Variants in ATRX observed in about 807,000 individuals in gnomAD.
ATRX encodes the protein ATRX chromatin remodeler, also known as chromatin remodeler ATRX.
A neutral mutation model predicts 172.6 loss-of-function variants in ATRX; 12 were observed. The observed-to-expected ratio is 0.07, with a 90% CI of 0.04 to 0.11. ATRX has a LOEUF of 0.11. ATRX is among the 10% of genes least tolerant of loss of function. The probability of loss-of-function intolerance (pLI) is 1.00; values close to 1 mark genes in which losing one functional copy is unlikely to be tolerated. For missense variants in ATRX, 1,368 were observed against 1,767.4 expected (o/e 0.77, Z 4.05); for synonymous variants, 674 against 594.7 (o/e 1.13, Z -1.94).
chrX:77,764,253 G>A (rs2075828815), intron 1 of ATRX, among the ~76,000 whole-genome samples: 1 of 112,134 alleles, frequency 8.9e-6, no homozygotes, highest in Non-Finnish European at 1.9e-5. Context: ...TCATTATCTT[G>A]TAGAAACATA....
At chrX:77,554,956 C>G (rs1225312608) in intron 30 of ATRX, among the ~76,000 whole-genome samples, 3 of 111,912 alleles carry the variant, frequency 2.7e-5, no homozygotes, top group Non-Finnish European at 3.8e-5. Flanking sequence ...AAAGCAGGCA[C>G]GTCCTCTCTT....
intron 1 of ATRX, among the ~76,000 whole-genome samples, chrX:77,722,765 T>C (rs1438707459): frequency 1.8e-5 from 2 of 111,784 alleles, no homozygotes; most frequent in Non-Finnish European, 3.8e-5. Flanking sequence ...AGTTCAACCA[T>C]CGTGGCAGAC....
intron 19 of ATRX, among the ~76,000 whole-genome samples, chrX:77,630,160 AAATTT>A (rs1218404787): frequency 4.5e-5 from 5 of 112,084 alleles, no homozygotes; most frequent in African/African-American, 1.6e-4. Flanking sequence ...ATTTAGGAAT[AAATTT>A]AAGAAAATAA....
chrX:77,756,346 G>A (rs1301314664), intron 1 of ATRX, among the ~76,000 whole-genome samples: 1 of 109,973 alleles, frequency 9.1e-6, no homozygotes, highest in Non-Finnish European at 1.9e-5. Flanking sequence ...CCCTTTCCAG[G>A]GGAGTGAATG....
chrX:77,652,189 T>C lies in ATRX; in HGVS notation c.4482A>G (p.Gln1494=), dbSNP rs2069279265. 8.3e-7 allele frequency: 1 copy of C among 1,209,499 alleles called. No individual in the cohort carries two copies. The highest frequency in any genetic ancestry group is 1.8e-5 in the African/African-American group (1 of 57,035). Residue 1494 remains glutamine, a synonymous_variant, in exon 15 of 35, where the codon CAA becomes CAG. Transcript: ENST00000373344. ...TCTCTTCCTCTTCCTTAAGAGCATTTTGTGTTTCTGTTCTCAGTTTATCAT... is the reference window on the plus strand; with the variant it reads ...TCTCTTCCTCTTCCTTAAGAGCATTCTGTGTTTCTGTTCTCAGTTTATCAT... ...LKDDKLRTET[Q]NALKEEEERR...
chrX:77,587,357 G>GA (rs372536357), intron 27 of ATRX, among the ~76,000 whole-genome samples: 16 of 104,703 alleles, frequency 1.5e-4, no homozygotes, highest in African/African-American at 2.4e-4. Flanking sequence ...ATAGAATGGG[G>GA]AAAAAAAAAA....
chrX:77,712,231 C>A (rs782561550), intron 2 of ATRX, among the ~76,000 whole-genome samples: 1 of 112,065 alleles, frequency 8.9e-6, no homozygotes, highest in Non-Finnish European at 1.9e-5. Flanking sequence ...ATTGCCACTT[C>A]TTCTTCCATG....
chrX:77,549,150 C>T (rs139693997), intron 30 of ATRX, among the ~76,000 whole-genome samples: 186 of 111,248 alleles, frequency 1.7e-3, no homozygotes, highest in East Asian at 9.9e-3. Context: ...TTTAGGAGAC[C>T]GAGGTGGGTC....
In ATRX at chrX:77,558,684, A is replaced by G. The variant is rs782352246; in HGVS notation, c.6489T>C (p.Tyr2163=). ...ATAAACCTACCTGAGCTAAGAACCTATATACATAAACAGGCTTAGTTTGTC... is the reference window on the plus strand; with the variant it reads ...ATAAACCTACCTGAGCTAAGAACCTGTATACATAAACAGGCTTAGTTTGTC... ...RFGQTKPVYV[Y]RFLAQGTMED... Residue 2163 remains tyrosine, a synonymous_variant, in exon 29 of 35, where the codon TAT becomes TAC. Coordinates refer to ENST00000373344, the MANE Select transcript of ATRX (RefSeq NM_000489.6). 2.2e-5 allele frequency: 26 copies of G among 1,197,992 alleles called. No homozygotes were observed. In the East Asian group the frequency reaches 7.1e-4, roughly 33 times the overall value.
intron 1 of ATRX, among the ~76,000 whole-genome samples, chrX:77,780,574 T>G (rs2076534230): frequency 9.2e-6 from 1 of 108,915 alleles, no homozygotes; most frequent in Non-Finnish European, 1.9e-5. Flanking sequence ...ATGATCCACC[T>G]GCCTCGGCCT....
intron 30 of ATRX, among the ~76,000 whole-genome samples, chrX:77,527,930 G>C (rs1342119151): frequency 9.1e-6 from 1 of 109,597 alleles, no homozygotes; most frequent in Non-Finnish European, 1.9e-5. Flanking sequence ...GGCCTTGCCA[G>C]ATAAGGGGGC....
chrX:77,514,763 T>G (rs1169994612), intron 34 of ATRX, among the ~76,000 whole-genome samples: 1 of 111,053 alleles, frequency 9.0e-6, no homozygotes, highest in Non-Finnish European at 1.9e-5. Context: ...ACAAATGAGA[T>G]CCAACTAAAC....
chrX:77,526,715 G>T (rs782441054), intron 30 of ATRX, among the ~76,000 whole-genome samples: 53 of 112,525 alleles, frequency 4.7e-4, no homozygotes, highest in South Asian at 2.9e-3. Context: ...GGCCAGTTCA[G>T]GCTTATACTA....
At chrX:77,601,081 T>C (rs782354334) in intron 22 of ATRX, among the ~76,000 whole-genome samples, 70 of 111,355 alleles carry the variant, frequency 6.3e-4, no homozygotes, top group African/African-American at 2.2e-3. Context: ...ATTCTATCCA[T>C]GGACCCTAGA....
At position 77,725,750 on chromosome X, in the gene ATRX, TAC is replaced by T. The variant is rs1271251591; in HGVS notation, c.21-8509_21-8508del. Among the ~76,000 whole-genome samples, 5 of 112,006 alleles carry T rather than the reference TAC, an allele frequency of 4.5e-5. No individual in the cohort carries two copies. The East Asian group carries it at 1.4e-3, about 31-fold the overall frequency. On this transcript the variant is annotated intron_variant, in intron 1 of 34. Coordinates refer to ENST00000373344, the MANE Select transcript of ATRX (RefSeq NM_000489.6). ...TGACAAAGGGCTAATATCCAGAATC[TAC>T]AAAGAACTTAAACAAATTTACAAGA...
chrX:77,688,086 C>T (rs1172675574), intron 7 of ATRX, among the ~76,000 whole-genome samples: 1 of 110,431 alleles, frequency 9.1e-6, no homozygotes, highest in African/African-American at 3.3e-5. Flanking sequence ...TACAGGGACC[C>T]GCCACCATGC....
chrX:77,564,927 G>A (rs905718053), intron 28 of ATRX, among the ~76,000 whole-genome samples: 27 of 111,725 alleles, frequency 2.4e-4, no homozygotes, highest in African/African-American at 8.1e-4. Flanking sequence ...CTACCAGGGT[G>A]GGGTCAGACA....
At chrX:77,520,680 C>T (rs2063200714) in intron 34 of ATRX, 108 bp downstream of exon 34, 2 of 796,565 alleles carry the variant, frequency 2.5e-6, no homozygotes, top group Non-Finnish European at 1.8e-6. Context: ...AATGACTATC[C>T]ATCCCTCCAT....
intron 1 of ATRX, among the ~76,000 whole-genome samples, chrX:77,758,262 C>T (rs1202837527): frequency 9.4e-6 from 1 of 106,534 alleles, no homozygotes; most frequent in African/African-American, 3.4e-5. Context: ...TGGTGGCGGG[C>T]GCCTGTAATC....
Sources: gnomAD v4.1 joint callset for allele counts (sites outside exome capture counted in the v4.1 genomes callset) on GRCh38, gnomAD v4.1.1 for gene constraint, MANE v1.5 for transcripts, NCBI Gene and HGNC (gene_info 2026-07-23, HGNC 2026-07-21) for gene names.